Variants in ARHGEF7 observed in about 807,000 individuals in gnomAD.
ARHGEF7 encodes Rho guanine nucleotide exchange factor 7.
In ARHGEF7, 33 loss-of-function variants were observed where a neutral mutation model predicts 109.8. The ratio of observed to expected loss-of-function variants is 0.30; its 90% CI spans 0.23 to 0.40. The LOEUF is 0.40. ARHGEF7 is among the 10% of genes least tolerant of loss of function. The probability of loss-of-function intolerance (pLI) is 1.00; values close to 1 mark genes in which losing one functional copy is unlikely to be tolerated. For synonymous variants in ARHGEF7, 458 were observed against 424.6 expected (o/e 1.08, Z -0.97); for missense variants, 938 against 1,098.5 (o/e 0.85, Z 2.07).
intron 6 of ARHGEF7, among the ~76,000 whole-genome samples, chr13:111,242,177 G>A (rs963251669): frequency 3.0e-4 from 45 of 152,272 alleles, no homozygotes; most frequent in Middle Eastern, 3.4e-3. Context: ...TCCCTTCAGG[G>A]ATGAGCCTGA....
chr13:111,140,104 T>C (rs2075280208), intron 1 of ARHGEF7, among the ~76,000 whole-genome samples: 1 of 152,216 alleles, frequency 6.6e-6, no homozygotes, highest in South Asian at 2.1e-4. Flanking sequence ...TTGGTAGCCA[T>C]AATCAAGTGA....
At chr13:111,243,319 T>A (rs1315906173) in intron 6 of ARHGEF7, among the ~76,000 whole-genome samples, 2 of 152,224 alleles carry the variant, frequency 1.3e-5, no homozygotes, top group Non-Finnish European at 2.9e-5. Context: ...ATATATCTGT[T>A]GTAACCGCTA....
rs1014687213 is a variant in ARHGEF7 at position 111,131,670 on chromosome 13, C to T, written c.165+15979C>T. Among the ~76,000 whole-genome samples, 12 of 152,090 alleles carry T rather than the reference C, an allele frequency of 7.9e-5. No homozygotes were observed. Among genetic ancestry groups the T allele is most frequent in the African/African-American group, 1.9e-4 (8 of 41,394 alleles). On this transcript the variant is annotated intron_variant, in intron 1 of 21. Coordinates refer to ENST00000646102, the MANE Select transcript of ARHGEF7 (RefSeq NM_001354046.2). The surrounding 1 kb of genome is among the most constrained non-coding windows in gnomAD (Gnocchi z 4.4). ...AGGGTGGTCAGAGGCCATTAGGAGA[C>T]GGGCAGTGACCTGAGGTCAGGGGAC...
chr13:111,229,607 C>T (rs2085743255), intron 5 of ARHGEF7, among the ~76,000 whole-genome samples: 1 of 152,206 alleles, frequency 6.6e-6, no homozygotes, highest in Non-Finnish European at 1.5e-5. Flanking sequence ...TTATATGCCA[C>T]ATCCACTCAC....
At chr13:111,222,530 A>G (rs960809338) in intron 5 of ARHGEF7, among the ~76,000 whole-genome samples, 6 of 152,178 alleles carry the variant, frequency 3.9e-5, no homozygotes, top group Admixed American at 1.3e-4. Context: ...CCTGGGTTCA[A>G]GCGATTCTCC....
At chr13:111,123,725 G>A (rs2067349021) in intron 1 of ARHGEF7, among the ~76,000 whole-genome samples, 2 of 152,076 alleles carry the variant, frequency 1.3e-5, no homozygotes, top group African/African-American at 2.4e-5. Context: ...CTGTTCTAAG[G>A]ACTTTGCCCA....
In ARHGEF7 at chr13:111,282,532, C is replaced by G. The variant is rs570962052; in HGVS notation, c.1726-607C>G. On this transcript the variant is annotated intron_variant, in intron 15 of 21. Coordinates refer to ENST00000646102, the MANE Select transcript of ARHGEF7 (RefSeq NM_001354046.2). ...TTTAATACCAGGGTTTGGCAGTGTT[C>G]AGTAAAGATCCAGATGGTAAACGTT... Among the ~76,000 whole-genome samples, 9 of 152,294 alleles carry G rather than the reference C, an allele frequency of 5.9e-5. No individual in the cohort carries two copies. The South Asian group carries it at 1.9e-3, about 32-fold the overall frequency.
intron 6 of ARHGEF7, among the ~76,000 whole-genome samples, chr13:111,235,814 C>A (rs759321481): frequency 2.0e-5 from 3 of 152,146 alleles, no homozygotes; most frequent in Non-Finnish European, 1.5e-5. Context: ...TTTGTAGTTT[C>A]GTTTTCACAG....
At position 111,233,223 on chromosome 13, in the gene ARHGEF7, A is replaced by C; in HGVS notation, c.689A>C (p.Lys230Thr). Residue 230 changes from lysine (K) to threonine (T), a missense_variant, in exon 6 of 22, where the codon AAA becomes ACA. Transcript: ENST00000646102. ...VKASEKPVSPKSGTLKSPPKG... is the reference protein window; with the variant it reads ...VKASEKPVSPTSGTLKSPPKG... ...ATTTCAGAGAAGCCTGTGTCTCCCA[A>C]ATCAGGAACACTGAAGAGCCCTCCC... The C allele has an allele frequency of 5.0e-6, 8 of 1,614,054 alleles. No homozygotes were observed. The highest frequency in any genetic ancestry group is 6.8e-6 in the Non-Finnish European group (8 of 1,179,920).
At chr13:111,274,225 T>C (rs2092347693) in intron 10 of ARHGEF7, among the ~76,000 whole-genome samples, 1 of 152,232 alleles carries the variant, frequency 6.6e-6, no homozygotes, top group South Asian at 2.1e-4. Context: ...TTGAGATGTC[T>C]TACCTGGATC....
rs138113764 is a variant in ARHGEF7 at position 111,214,594 on chromosome 13, C to T, written c.469-3085C>T. ...GACATAGCACAGTGAACTCGGGTCACGTTTCACCACACAAGAGCAAGGAAC... is the reference window on the plus strand; with the variant it reads ...GACATAGCACAGTGAACTCGGGTCATGTTTCACCACACAAGAGCAAGGAAC... On this transcript the variant is annotated intron_variant, in intron 4 of 21. Transcript: ENST00000646102. Among the ~76,000 whole-genome samples the T allele has an allele frequency of 9.2e-5, 14 of 152,308 alleles. No individual in the cohort carries two copies. In the East Asian group the frequency reaches 1.4e-3, roughly 15 times the overall value.
At position 111,303,281 on chromosome 13, in the gene ARHGEF7, A is replaced by G; in HGVS notation, c.*168A>G. On this transcript the variant is annotated 3_prime_UTR_variant, in exon 22 of 22. Transcript: ENST00000646102. ...TTATTCTGCGAATGGAGACGATCAAACCATGACTGATGAATCCAGACAGGA... is the reference window on the plus strand; with the variant it reads ...TTATTCTGCGAATGGAGACGATCAAGCCATGACTGATGAATCCAGACAGGA... 1.7e-6 allele frequency: 1 copy of G among 597,812 alleles called. No homozygotes were observed. The highest frequency in any genetic ancestry group is 2.6e-5 in the South Asian group (1 of 37,884). 37.0% of individuals were successfully genotyped at this position (597,812 alleles called of 1,614,324 possible). A position where few individuals can be genotyped will look rare whatever the true frequency, so the allele number is the denominator to read the frequency against.
intron 3 of ARHGEF7, among the ~76,000 whole-genome samples, chr13:111,206,749 C>T (rs1224272770): frequency 5.3e-5 from 8 of 151,858 alleles, no homozygotes. Context: ...ATCACGAGGT[C>T]AGGAGATCGA....
intron 17 of ARHGEF7, among the ~76,000 whole-genome samples, chr13:111,287,074 C>T (rs2153617192): frequency 1.3e-5 from 2 of 152,364 alleles, no homozygotes; most frequent in Admixed American, 1.3e-4. Flanking sequence ...CCACTGCTGG[C>T]CTCCCCTCAC....
Position 111,303,077 on chromosome 13 carries a change from C to T in ARHGEF7, c.2553C>T (p.Asn851=), listed in dbSNP as rs374593692. 48 of 1,613,944 alleles carry T rather than the reference C, an allele frequency of 3.0e-5. No individual in the cohort carries two copies. The highest frequency in any genetic ancestry group is 3.6e-5 in the Non-Finnish European group (43 of 1,179,962). Residue 851 remains asparagine, a synonymous_variant, in exon 22 of 22, where the codon AAC becomes AAT. Coordinates refer to ENST00000646102, the MANE Select transcript of ARHGEF7 (RefSeq NM_001354046.2). ...AGCTGGTGAGGAAAGTCCTGAAGAA[C>T]ATGAATGATCCTGCCTGGGATGAGA... ...LEKLVRKVLK[N]MNDPAWDETN...
In ARHGEF7 at chr13:111,196,157, G is replaced by A. The variant is rs112542166; in HGVS notation, c.253-9132G>A. Among the ~76,000 whole-genome samples the A allele has an allele frequency of 5.2e-3, 789 of 152,298 alleles. 2 individuals carry two copies. Among genetic ancestry groups the A allele is most frequent in the Non-Finnish European group, 8.3e-3 (563 of 68,028 alleles). On this transcript the variant is annotated intron_variant, in intron 2 of 21. Transcript: ENST00000646102. Reference sequence around the variant, plus strand: ...GATTTTCTTCCTTTCCCTGAGTTATGCTAGACATCATTGAATAATTAATGG... The same window carrying A: ...GATTTTCTTCCTTTCCCTGAGTTATACTAGACATCATTGAATAATTAATGG...
chr13:111,137,220 G>C (rs1003529946), intron 1 of ARHGEF7, among the ~76,000 whole-genome samples: 2 of 152,260 alleles, frequency 1.3e-5, no homozygotes, highest in African/African-American at 4.8e-5. Flanking sequence ...ATGGAAAAGA[G>C]AGAATCCTCC....
chr13:111,159,235 C>T, intron 2 of ARHGEF7: 4 of 614,512 alleles, frequency 6.5e-6, no homozygotes, highest in Non-Finnish European at 8.7e-6. Flanking sequence ...AAAAGTCTGA[C>T]TAGTATTCTA....
chr13:111,135,567 G>T (rs1373694522), intron 1 of ARHGEF7, among the ~76,000 whole-genome samples: 2 of 152,150 alleles, frequency 1.3e-5, no homozygotes, highest in Non-Finnish European at 2.9e-5. Context: ...ATTGTGAATG[G>T]GAGTTCACTC....
Sources: gnomAD v4.1 joint callset for allele counts (sites outside exome capture counted in the v4.1 genomes callset) on GRCh38, gnomAD v4.1.1 for gene constraint, Gnocchi (gnomAD v3.1) non-coding constraint, MANE v1.5 for transcripts, NCBI Gene and HGNC (gene_info 2026-07-23, HGNC 2026-07-21) for gene names.